The following ABLIM3 variants were observed in gnomAD, a reference collection of about 807,000 sequenced individuals.
The protein encoded by ABLIM3 is actin binding LIM protein family member 3, also known as actin-binding LIM protein 3.
In ABLIM3, 61 loss-of-function variants were observed where a neutral mutation model predicts 109.5. That is an observed-to-expected ratio of 0.56 (90% CI 0.45 to 0.69). The LOEUF is 0.69. Ranked by LOEUF, ABLIM3 falls within the 30% of genes least tolerant of loss-of-function variation. ABLIM3 has a pLI of 0.00. For missense variants in ABLIM3, 796 were observed against 889.5 expected, an observed-to-expected ratio of 0.89 and a Z score of 1.34; for synonymous variants, 300 against 324.8, an observed-to-expected ratio of 0.92 and a Z score of 0.82.
intron 14 of ABLIM3, 103 bp downstream of exon 14, chr5:149,240,877 T>G: frequency 9.2e-7 from 1 of 1,087,070 alleles, no homozygotes; most frequent in Admixed American, 1.9e-5. Context: ...AAGAAGCTGG[T>G]TCCTGAGGGA....
At chr5:149,234,260 G>C (rs995716125) in intron 10 of ABLIM3, among the ~76,000 whole-genome samples, 43 of 152,160 alleles carry the variant, frequency 2.8e-4, no homozygotes, top group African/African-American at 1.0e-3. Flanking sequence ...AAAGGAGGTG[G>C]GAAACGCAGA....
chr5:149,257,503 T>C (rs1754540410), intron 23 of ABLIM3, among the ~76,000 whole-genome samples: 1 of 152,220 alleles, frequency 6.6e-6, no homozygotes, highest in Non-Finnish European at 1.5e-5. Flanking sequence ...AATTTCATTT[T>C]GAAAAACTGT....
At chr5:149,156,051 A>C (rs528451051) in intron 2 of ABLIM3, among the ~76,000 whole-genome samples, 1 of 152,168 alleles carries the variant, frequency 6.6e-6, no homozygotes, top group Non-Finnish European at 1.5e-5. Context: ...TGCGAGGGAG[A>C]GTGTGGGGAT....
chr5:149,165,569 T>G (rs1220139672), intron 2 of ABLIM3, among the ~76,000 whole-genome samples: 1 of 152,222 alleles, frequency 6.6e-6, no homozygotes, highest in Non-Finnish European at 1.5e-5. Context: ...TATTGGCTCC[T>G]AAGCCTTTGA....
chr5:149,206,438 A>C lies in ABLIM3; in HGVS notation c.449-570A>C, dbSNP rs77514553. On this transcript the variant is annotated intron_variant, in intron 5 of 23. Transcript: ENST00000309868. ...ACATTTGGCAAATATGCTTTGAGTT[A>C]CTGCTATGGGCTGAGCACTGTGCTA... is the stretch of plus-strand genomic sequence containing the variant. Among the ~76,000 whole-genome samples the C allele has an allele frequency of 9.8e-3, 1,492 of 152,352 alleles. 18 individuals are homozygous for C. The highest frequency in any genetic ancestry group is 0.034 in the African/African-American group (1,427 of 41,582).
intron 11 of ABLIM3, among the ~76,000 whole-genome samples, chr5:149,238,952 G>A (rs573317769): frequency 6.6e-6 from 1 of 152,306 alleles, no homozygotes; most frequent in African/African-American, 2.4e-5. Context: ...CAGAAGCCTG[G>A]GTCCAAGTCA....
At chr5:149,196,689 G>A (rs986552223) in intron 3 of ABLIM3, among the ~76,000 whole-genome samples, 1 of 152,164 alleles carries the variant, frequency 6.6e-6, no homozygotes, top group African/African-American at 2.4e-5. Flanking sequence ...TTCCTCGCTG[G>A]TGCATCCTTG....
intron 2 of ABLIM3, among the ~76,000 whole-genome samples, chr5:149,151,165 A>G (rs565417537): frequency 6.6e-6 from 1 of 152,272 alleles, no homozygotes; most frequent in Non-Finnish European, 1.5e-5. Context: ...ACAAATGTCT[A>G]CTCGAGGCCT....
At chr5:149,205,940 G>A (rs548413439) in intron 5 of ABLIM3, among the ~76,000 whole-genome samples, 1 of 152,310 alleles carries the variant, frequency 6.6e-6, no homozygotes, top group South Asian at 2.1e-4. Context: ...CTCCCAGCTG[G>A]ATGTGGGGGC....
chr5:149,222,431 T>G (rs559227874), intron 8 of ABLIM3, among the ~76,000 whole-genome samples: 182 of 152,214 alleles, frequency 1.2e-3, no homozygotes, highest in Non-Finnish European at 2.0e-3. Context: ...CCTTTTGAAC[T>G]CTATGAGTCT....
chr5:149,221,214 G>A (rs550203354), intron 8 of ABLIM3, among the ~76,000 whole-genome samples: 66 of 152,320 alleles, frequency 4.3e-4, no homozygotes, highest in African/African-American at 1.4e-3. Context: ...GAAGCAGAAC[G>A]AGGTGGAGAA....
intron 2 of ABLIM3, among the ~76,000 whole-genome samples, chr5:149,175,570 C>T (rs77479581): frequency 7.6e-4 from 116 of 151,860 alleles, no homozygotes; most frequent in South Asian, 1.9e-3. Flanking sequence ...GCTGAGCCCA[C>T]GGACACAGGC....
At chr5:149,173,744 G>A (rs913824444) in intron 2 of ABLIM3, among the ~76,000 whole-genome samples, 2 of 152,296 alleles carry the variant, frequency 1.3e-5, no homozygotes, top group Non-Finnish European at 1.5e-5. Context: ...AGGAACCGCC[G>A]GGCGCGGTGG....
intron 7 of ABLIM3, among the ~76,000 whole-genome samples, chr5:149,216,337 T>TA (rs1394170269): frequency 6.6e-6 from 1 of 152,244 alleles, no homozygotes; most frequent in Non-Finnish European, 1.5e-5. Context: ...ATATTGCATG[T>TA]AACCTGAAAA....
At chr5:149,200,673 G>T (rs1758408467) in intron 5 of ABLIM3, 3 of 529,410 alleles carry the variant, frequency 5.7e-6, no homozygotes, top group Non-Finnish European at 1.0e-5. Context: ...TTGCCACATG[G>T]TATGTCTCCT....
chr5:149,188,318 G>A (rs1351680892), intron 3 of ABLIM3, among the ~76,000 whole-genome samples: 2 of 152,054 alleles, frequency 1.3e-5, no homozygotes, highest in Non-Finnish European at 2.9e-5. Context: ...AAGGTTTCAA[G>A]ATATAAGATC....
chr5:149,251,598 G>A lies in ABLIM3; in HGVS notation c.1849+179G>A, dbSNP rs566122729. On this transcript the variant is annotated intron_variant, in intron 21 of 23. Transcript: ENST00000309868. ...CCCCTCCCTTTTCCCCTGCTCTTCC[G>A]TTATCCTCTCAAGTCCTGGCCTTGG... Among the ~76,000 whole-genome samples the A allele has an allele frequency of 1.3e-4, 19 of 150,472 alleles. No individual in the cohort carries two copies. The East Asian group carries it at 2.2e-3, about 17-fold the overall frequency.
At chr5:149,190,411 G>A (rs1757371653) in intron 3 of ABLIM3, among the ~76,000 whole-genome samples, 5 of 152,210 alleles carry the variant, frequency 3.3e-5, no homozygotes, top group Admixed American at 3.3e-4. Context: ...TGGGTGCAGT[G>A]GCACACACCT....
intron 23 of ABLIM3, among the ~76,000 whole-genome samples, chr5:149,255,018 C>A (rs1008319549): frequency 1.3e-5 from 2 of 152,164 alleles, no homozygotes; most frequent in African/African-American, 4.8e-5. Context: ...AGACTATGAC[C>A]CTGTCCTCAA....
Sources: gnomAD v4.1 joint callset for allele counts (sites outside exome capture counted in the v4.1 genomes callset) on GRCh38, gnomAD v4.1.1 for gene constraint, MANE v1.5 for transcripts, NCBI Gene and HGNC (gene_info 2026-07-23, HGNC 2026-07-21) for gene names.